The following ZNF343 variants were observed in gnomAD, a reference collection of about 807,000 sequenced individuals.
ZNF343 encodes zinc finger protein 343.
A neutral mutation model predicts 13.8 loss-of-function variants in ZNF343; 11 were observed. That is an observed-to-expected ratio of 0.80 (90% CI 0.50 to 1.32). The LOEUF (loss-of-function observed/expected upper bound fraction) is 1.32, where lower values mean the gene tolerates loss of function less well. Ranked by LOEUF, ZNF343 falls within the 40% of genes most tolerant of loss-of-function variation. The pLI is 0.00. For synonymous variants in ZNF343, 248 were observed against 260.0 expected (o/e 0.95, Z 0.44); for missense variants, 658 against 714.2 (o/e 0.92, Z 0.90).
chr20:2,484,626 G>A lies in ZNF343; in HGVS notation c.335C>T (p.Ser112Phe). The A allele has an allele frequency of 6.2e-7, 1 of 1,605,916 alleles. No homozygotes were observed. The highest frequency in any genetic ancestry group is 1.3e-5 in the African/African-American group (1 of 74,734). The part of the protein sequence containing the change: ...AEPKPEIYTC[S>F]SCLLAFSCQQ... ...ACAGGAGAAGGCCAGAAGGCAGGAG[G>A]AACAAGTGTAGATTTCTGGCTTTGG... Residue 112 changes from serine to phenylalanine, a missense_variant, in exon 6 of 6, where the codon TCC becomes TTC. Coordinates refer to ENST00000278772, the MANE Select transcript of ZNF343 (RefSeq NM_024325.6).
chr20:2,493,853 C>T lies in ZNF343; in HGVS notation c.43G>A (p.Glu15Lys), dbSNP rs1019439472. 3 of 1,613,946 alleles carry T rather than the reference C, an allele frequency of 1.9e-6. No homozygotes were observed. The African/African-American group carries it at 4.0e-5, about 22-fold the overall frequency. The stretch of plus-strand genomic sequence containing the variant: ...CCATTCTTTGGAAGCAAAATCTCTT[C>T]CCAGTATTGATCTCCCAGTGCTGAA... ...YPSALGDQYW[E>K]EILLPKNGEN... Residue 15 changes from glutamate (E) to lysine (K), a missense_variant, in exon 3 of 6, where the codon GAA (glutamate) becomes AAA (lysine). Coordinates refer to ENST00000278772, the MANE Select transcript of ZNF343 (RefSeq NM_024325.6).
intron 2 of ZNF343, among the ~76,000 whole-genome samples, chr20:2,497,071 ACT>A (rs1252771809): frequency 7.1e-6 from 1 of 141,642 alleles, no homozygotes; most frequent in Non-Finnish European, 1.6e-5. Flanking sequence ...CAAAAGCAAA[ACT>A]CTGTCTAAAA....
intron 5 of ZNF343, among the ~76,000 whole-genome samples, chr20:2,488,010 G>A (rs1280767598): frequency 6.6e-6 from 1 of 152,030 alleles, no homozygotes; most frequent in Non-Finnish European, 1.5e-5. Flanking sequence ...CTGGTTTTAG[G>A]GTTCTTCTCT....
At chr20:2,495,474 C>A (rs2085442020) in intron 2 of ZNF343, 1 of 152,176 alleles carries the variant, frequency 6.6e-6, no homozygotes, top group Non-Finnish European at 1.5e-5. Flanking sequence ...CATAATTCCA[C>A]CATTTCTTTT....
At chr20:2,505,488 A>C (rs2085640486) in intron 1 of ZNF343, among the ~76,000 whole-genome samples, 1 of 152,088 alleles carries the variant, frequency 6.6e-6, no homozygotes, top group Non-Finnish European at 1.5e-5. Flanking sequence ...CCCTAAGTCA[A>C]TCCTAAGCAA....
intron 1 of ZNF343, among the ~76,000 whole-genome samples, chr20:2,523,755 A>G (rs1405839866): frequency 7.5e-6 from 1 of 133,876 alleles, no homozygotes; most frequent in Non-Finnish European, 1.5e-5. Flanking sequence ...ATCTTGGCTC[A>G]CTGCAACCTC....
In ZNF343 at chr20:2,493,799, T is replaced by G. The variant is rs750343244; in HGVS notation, c.97A>C (p.Thr33Pro). 1 of 1,613,498 alleles carries G rather than the reference T, an allele frequency of 6.2e-7. No individual in the cohort carries two copies. Among genetic ancestry groups the G allele is most frequent in the South Asian group, 1.1e-5 (1 of 91,064 alleles). The change falls in exon 3 of 6, where the codon ACC becomes CCC. Residue 33 changes from threonine to proline, a missense_variant. Transcript: ENST00000278772. The part of the protein sequence containing the change: ...GENVETMKKL[T>P]QNHKAKGLPS... ...TCACCTTTCGCTTTATGATTTTGGGTCAATTTCTTCATAGTCTCTACATTT... is the reference window on the plus strand; with the variant it reads ...TCACCTTTCGCTTTATGATTTTGGGGCAATTTCTTCATAGTCTCTACATTT...
chr20:2,487,335 CA>C (rs1210623745), intron 5 of ZNF343, among the ~76,000 whole-genome samples: 1 of 152,222 alleles, frequency 6.6e-6, no homozygotes, highest in East Asian at 1.9e-4. Context: ...CCAAATCCCA[CA>C]TATAACCTCA....
At chr20:2,486,351 T>C (rs912396541) in intron 5 of ZNF343, among the ~76,000 whole-genome samples, 1 of 152,358 alleles carries the variant, frequency 6.6e-6, no homozygotes, top group African/African-American at 2.4e-5. Context: ...ACTGAGGCCA[T>C]TTTGAGGAAC....
intron 5 of ZNF343, among the ~76,000 whole-genome samples, chr20:2,486,979 T>C (rs2085291272): frequency 6.6e-6 from 1 of 152,222 alleles, no homozygotes. Context: ...TCTGCCATTG[T>C]ATAACAAAAG....
chr20:2,484,796 G>T, intron 5 of ZNF343, 140 bp from the exon 6 acceptor site: 1 of 736,474 alleles, frequency 1.4e-6, no homozygotes, highest in Non-Finnish European at 2.1e-6. Flanking sequence ...TCTGAACAAT[G>T]ATTCCTTTAC....
chr20:2,507,868 C>G (rs2085689618), intron 1 of ZNF343, among the ~76,000 whole-genome samples: 1 of 152,194 alleles, frequency 6.6e-6, no homozygotes, highest in Non-Finnish European at 1.5e-5. Flanking sequence ...ATCCAGAACT[C>G]ACCATATGCC....
At position 2,518,189 on chromosome 20, in the gene ZNF343, A is replaced by AT. The variant is rs1429197823; in HGVS notation, c.-347+6265dup. On this transcript the variant is annotated intron_variant, in intron 1 of 6. Coordinates refer to the ZNF343 transcript ENST00000358413. The surrounding 1 kb of genome is among the most constrained non-coding windows in gnomAD (Gnocchi z 4.6). ...CCACCACGTCTGGCTACCTTTTTGTATTTTTTTAGTAGAGACGTAGTTTCG... is the reference window on the plus strand; with the variant it reads ...CCACCACGTCTGGCTACCTTTTTGTATTTTTTTTAGTAGAGACGTAGTTTCG... Among the ~76,000 whole-genome samples the AT allele has an allele frequency of 3.3e-5, 5 of 151,576 alleles. No homozygotes were observed. Among genetic ancestry groups the AT allele is most frequent in the East Asian group, 3.9e-4 (2 of 5,122 alleles).
At chr20:2,504,536 G>A (rs955986802) in intron 1 of ZNF343, among the ~76,000 whole-genome samples, 21 of 152,198 alleles carry the variant, frequency 1.4e-4, no homozygotes, top group Admixed American at 2.0e-4. Context: ...GATGAACATC[G>A]ATGCAAAAAT....
At chr20:2,505,610 C>G (rs2085643157) in intron 1 of ZNF343, among the ~76,000 whole-genome samples, 1 of 152,118 alleles carries the variant, frequency 6.6e-6, no homozygotes, top group South Asian at 2.1e-4. Context: ...ATCAATGGAA[C>G]AAAACAGAGC....
chr20:2,497,495 C>T (rs2085479499), intron 2 of ZNF343, among the ~76,000 whole-genome samples: 2 of 152,098 alleles, frequency 1.3e-5, no homozygotes, highest in Non-Finnish European at 2.9e-5. Flanking sequence ...AAGAAGAGAT[C>T]GACCACAGGA....
upstream of ZNF343, among the ~76,000 whole-genome samples, chr20:2,513,340 A>G (rs1300757173): frequency 1.3e-5 from 2 of 152,222 alleles, no homozygotes; most frequent in Non-Finnish European, 2.9e-5. Context: ...TGCATACAAA[A>G]CAGCCAGCAA....
At chr20:2,510,202 T>C (rs1268154323), upstream of ZNF343, among the ~76,000 whole-genome samples, 1 of 152,238 alleles carries the variant, frequency 6.6e-6, no homozygotes, top group Non-Finnish European at 1.5e-5. Flanking sequence ...AAAAATTGTA[T>C]AGCAAACAAT....
chr20:2,493,965 A>C lies in ZNF343; in HGVS notation c.-70T>G. 1.5e-5 allele frequency: 16 copies of C among 1,049,472 alleles called. No individual in the cohort carries two copies. Among genetic ancestry groups the C allele is most frequent in the East Asian group, 2.4e-5 (1 of 42,170 alleles). 65.0% of individuals were successfully genotyped at this position (1,049,472 alleles called of 1,614,324 possible). ...GTCCAGGTAGATGTTATTTCATCTCAAGATGGAGTTCTGCTGCCTGTGGTG... is the reference window on the plus strand; with the variant it reads ...GTCCAGGTAGATGTTATTTCATCTCCAGATGGAGTTCTGCTGCCTGTGGTG... On this transcript the variant is annotated 5_prime_UTR_variant, in exon 3 of 6. Transcript: ENST00000278772.
Sources: gnomAD v4.1 joint callset for allele counts (sites outside exome capture counted in the v4.1 genomes callset) on GRCh38, gnomAD v4.1.1 for gene constraint, Gnocchi (gnomAD v3.1) non-coding constraint, MANE v1.5 for transcripts, NCBI Gene and HGNC (gene_info 2026-07-23, HGNC 2026-07-21) for gene names.